Variants in PARPBP observed in about 807,000 individuals in gnomAD.
PARPBP encodes PCNA-interacting partner.
A neutral mutation model predicts 50.0 loss-of-function variants in PARPBP; 52 were observed. The observed-to-expected ratio is 1.04, with a 90% CI of 0.83 to 1.31. The LOEUF is 1.31. Ranked by LOEUF, PARPBP falls within the 50% of genes most tolerant of loss-of-function variation. The pLI is 0.00. For missense variants in PARPBP, 697 were observed against 672.0 expected (o/e 1.04, Z -0.41); for synonymous variants, 244 against 232.1 (o/e 1.05, Z -0.47).
intron 2 of PARPBP, among the ~76,000 whole-genome samples, chr12:102,131,663 A>G (rs1565852648): frequency 6.6e-6 from 1 of 152,234 alleles, no homozygotes; most frequent in Admixed American, 6.5e-5. Context: ...ACAGCCGTAA[A>G]AAAGAACGAG....
intron 2 of PARPBP, among the ~76,000 whole-genome samples, chr12:102,134,893 G>A (rs538111469): frequency 1.3e-5 from 2 of 152,132 alleles, no homozygotes; most frequent in Admixed American, 1.3e-4. Context: ...GCCCAGGCTG[G>A]TCTTGAACTC....
chr12:102,150,713 G>T (rs2138845007), intron 3 of PARPBP, among the ~76,000 whole-genome samples: 1 of 152,332 alleles, frequency 6.6e-6, no homozygotes, highest in East Asian at 1.9e-4. Flanking sequence ...TGGAAGACAG[G>T]ATCAGAGACC....
At chr12:102,146,390 C>A (rs544724036) in intron 2 of PARPBP, among the ~76,000 whole-genome samples, 1,557 of 152,242 alleles carry the variant, frequency 0.01, 17 homozygotes, top group African/African-American at 0.035. Flanking sequence ...TGGAACAGAA[C>A]AGAGCCCTCG....
Position 102,197,200 on chromosome 12 carries a change from A to T in PARPBP, c.*909A>T. 2.0e-6 allele frequency: 3 copies of T among 1,537,856 alleles called. No homozygotes were observed. The African/African-American group carries it at 4.1e-5, about 21-fold the overall frequency. ...TAAAGAGAAGGTTGATTTGGTTTTT[A>T]GCTATCGTATTCGGAGTGGAACTAT... On this transcript the variant is annotated 3_prime_UTR_variant, in exon 11 of 11. Transcript: ENST00000327680.
chr12:102,124,115 A>G (rs1881585683), intron 2 of PARPBP, 74 bp downstream of exon 2: 1 of 997,572 alleles, frequency 1.0e-6, no homozygotes, highest in East Asian at 2.6e-5. Context: ...AATAAACTTA[A>G]GCTTAAGAAT....
At chr12:102,161,145 G>T (rs924189436) in intron 4 of PARPBP, among the ~76,000 whole-genome samples, 1 of 151,544 alleles carries the variant, frequency 6.6e-6, no homozygotes, top group Non-Finnish European at 1.5e-5. Flanking sequence ...TCATTCTGTC[G>T]CTCAGGCTGG....
At chr12:102,149,747 A>G (rs1391373367) in intron 3 of PARPBP, among the ~76,000 whole-genome samples, 1 of 152,210 alleles carries the variant, frequency 6.6e-6, no homozygotes, top group Non-Finnish European at 1.5e-5. Context: ...TTGAACTATC[A>G]TAAAAACCTT....
intron 9 of PARPBP, among the ~76,000 whole-genome samples, chr12:102,186,177 A>G (rs1890284391): frequency 6.6e-6 from 1 of 151,938 alleles, no homozygotes; most frequent in Non-Finnish European, 1.5e-5. Flanking sequence ...TTTTTAAAAA[A>G]ATTTCTGATT....
intron 9 of PARPBP, 102 bp downstream of exon 9, chr12:102,182,729 G>A: frequency 1.3e-6 from 1 of 778,538 alleles, no homozygotes; most frequent in Non-Finnish European, 2.2e-6. Context: ...TGTAAACATT[G>A]TACATGACAC....
At chr12:102,193,465 G>A (rs977987976) in intron 9 of PARPBP, among the ~76,000 whole-genome samples, 5 of 151,936 alleles carry the variant, frequency 3.3e-5, no homozygotes, top group Non-Finnish European at 5.9e-5. Flanking sequence ...AGTGATCCAA[G>A]CCAGCCACTC....
At chr12:102,195,048 T>C (rs1891148682) in intron 9 of PARPBP, among the ~76,000 whole-genome samples, 1 of 151,400 alleles carries the variant, frequency 6.6e-6, no homozygotes. Flanking sequence ...AGTCTAAAAT[T>C]GATTGTTTTG....
intron 9 of PARPBP, among the ~76,000 whole-genome samples, chr12:102,189,929 G>C (rs1162768257): frequency 6.6e-6 from 1 of 152,080 alleles, no homozygotes; most frequent in Non-Finnish European, 1.5e-5. Context: ...TGTGATTTAG[G>C]TTTTCTCTGC....
At chr12:102,192,161 G>C (rs1890852096) in intron 9 of PARPBP, among the ~76,000 whole-genome samples, 1 of 152,094 alleles carries the variant, frequency 6.6e-6, no homozygotes, top group Non-Finnish European at 1.5e-5. Flanking sequence ...GATCATTGTA[G>C]AACTGGCCTG....
chr12:102,163,690 A>G (rs1273256482), intron 4 of PARPBP, among the ~76,000 whole-genome samples: 2 of 152,186 alleles, frequency 1.3e-5, no homozygotes, highest in South Asian at 2.1e-4. Flanking sequence ...AAGTTCAACA[A>G]TACTTTCTTC....
At chr12:102,133,879 C>T (rs1448246116) in intron 2 of PARPBP, among the ~76,000 whole-genome samples, 4 of 151,024 alleles carry the variant, frequency 2.6e-5, no homozygotes, top group East Asian at 3.9e-4. Flanking sequence ...ACCAACGGTT[C>T]GAAGAAGAAA....
At position 102,195,453 on chromosome 12, in the gene PARPBP, T is replaced by A; in HGVS notation, c.1399+6T>A. The A allele has an allele frequency of 6.4e-7, 1 of 1,573,744 alleles. No individual in the cohort carries two copies. The highest frequency in any genetic ancestry group is 1.2e-5 in the South Asian group (1 of 85,292). On this transcript the variant is annotated splice_donor_region_variant and intron_variant, in intron 10 of 10. Coordinates refer to ENST00000327680, the MANE Select transcript of PARPBP (RefSeq NM_017915.5). ...CATGGAAAATGACCTTTCTGGTAAT[T>A]GACCTTATTTGTGCAATTAAATAAC...
intron 3 of PARPBP, among the ~76,000 whole-genome samples, chr12:102,152,906 A>C (rs528672548): frequency 6.6e-6 from 1 of 151,202 alleles, no homozygotes; most frequent in Non-Finnish European, 1.5e-5. Flanking sequence ...AGTACTTAGT[A>C]ATTTTCCAAG....
chr12:102,131,803 A>G (rs1882892930), intron 2 of PARPBP, among the ~76,000 whole-genome samples: 1 of 152,222 alleles, frequency 6.6e-6, no homozygotes, highest in Non-Finnish European at 1.5e-5. Flanking sequence ...ATGGACACAT[A>G]GAGGGAAATA....
At chr12:102,136,581 A>G (rs1184443843) in intron 2 of PARPBP, among the ~76,000 whole-genome samples, 1 of 152,238 alleles carries the variant, frequency 6.6e-6, no homozygotes, top group Non-Finnish European at 1.5e-5. Context: ...TCTACTTGCT[A>G]ATTTTCTACT....
Sources: allele counts gnomAD v4.1 joint callset (sites outside exome capture counted in the v4.1 genomes callset), GRCh38; gene constraint gnomAD v4.1.1; transcripts MANE v1.5; gene names NCBI Gene and HGNC (gene_info 2026-07-23, HGNC 2026-07-21).